EIF4E: variants seen among roughly 807,000 people sequenced by gnomAD.
The protein encoded by EIF4E is eIF-4F 25 kDa subunit.
For synonymous variants in EIF4E, 71 were observed against 88.5 expected (o/e 0.80, Z 1.11); for missense variants, 113 against 265.6 (o/e 0.43, Z 3.99).
chr4:98,903,435 T>G (rs75215124), intron 1 of EIF4E: 1 of 455,280 alleles, frequency 2.2e-6, no homozygotes, highest in Admixed American at 2.4e-5. Flanking sequence ...TCAATCTCCC[T>G]GGCTCAAGCA....
At chr4:98,917,416 T>C (rs929613130) in intron 1 of EIF4E, among the ~76,000 whole-genome samples, 1 of 152,040 alleles carries the variant, frequency 6.6e-6, no homozygotes, top group African/African-American at 2.4e-5. Flanking sequence ...ATGTCCATGA[T>C]CATGCCCACT....
At chr4:98,929,060 G>A in intron 1 of EIF4E, 35 bp downstream of exon 1, 2 of 1,577,110 alleles carry the variant, frequency 1.3e-6, no homozygotes, top group South Asian at 1.2e-5. Context: ...GGAGCGCGGG[G>A]ACCCGTGGGG....
chr4:98,914,393 T>A lies in EIF4E; in HGVS notation c.19-12411A>T, dbSNP rs750564228. On this transcript the variant is annotated intron_variant, in intron 1 of 6. Transcript: ENST00000450253. ...AAAAAAAAAAAAAAAAAAAAAGCAC[T>A]TTTTTTTTTTGCTTTTGACCTATTT... Among the ~76,000 whole-genome samples the A allele has an allele frequency of 3.7e-3, 373 of 101,152 alleles. 1 individual carries two copies. The highest frequency in any genetic ancestry group is 6.1e-3 in the Non-Finnish European group (309 of 50,928). The allele number at this position is 101,152 out of a possible 152,430, so 66.4% of individuals were successfully genotyped here.
chr4:98,897,768 A>T (rs1724471861), intron 2 of EIF4E, among the ~76,000 whole-genome samples: 2 of 152,220 alleles, frequency 1.3e-5, no homozygotes, highest in South Asian at 4.1e-4. Flanking sequence ...AGAATTTTAG[A>T]AAGATTTCAT....
At chr4:98,907,641 A>T (rs557888225) in intron 1 of EIF4E, among the ~76,000 whole-genome samples, 1 of 152,336 alleles carries the variant, frequency 6.6e-6, no homozygotes, top group South Asian at 2.1e-4. Flanking sequence ...GCCATACTGC[A>T]AAATGGGTAG....
rs552638398 is a variant in EIF4E at position 98,887,462 on chromosome 4, T to C, written c.286-270A>G. Among the ~76,000 whole-genome samples, 1 of 152,312 alleles carries C rather than the reference T, an allele frequency of 6.6e-6. No homozygotes were observed. The highest frequency in any genetic ancestry group is 1.5e-5 in the Non-Finnish European group (1 of 68,032). On this transcript the variant is annotated intron_variant, in intron 4 of 6. Coordinates refer to ENST00000450253, the MANE Select transcript of EIF4E (RefSeq NM_001968.5). The surrounding 1 kb of genome is among the most constrained non-coding windows in gnomAD (Gnocchi z 4.0). Reference sequence around the variant, plus strand: ...TTAAACTTTCTGAGAAGCAAACATATTTTAGAAGCTCTGTACATTTCTACA... The same window carrying C: ...TTAAACTTTCTGAGAAGCAAACATACTTTAGAAGCTCTGTACATTTCTACA...
At chr4:98,884,289 A>G (rs2110176063) in intron 6 of EIF4E, among the ~76,000 whole-genome samples, 1 of 152,320 alleles carries the variant, frequency 6.6e-6, no homozygotes, top group Middle Eastern at 3.4e-3. Context: ...CAGCACTTTC[A>G]AAGTAGGAAA....
intron 1 of EIF4E, among the ~76,000 whole-genome samples, chr4:98,924,964 C>T (rs10516438): frequency 0.05 from 7,559 of 152,162 alleles, 850 homozygotes; most frequent in East Asian, 0.49. Flanking sequence ...CGTGGATTAT[C>T]GAGGAACTCT....
intron 2 of EIF4E, among the ~76,000 whole-genome samples, chr4:98,900,944 T>C (rs1724616404): frequency 6.6e-6 from 1 of 152,264 alleles, no homozygotes. Flanking sequence ...TCAAGTCACC[T>C]GTTCTTACTC....
At chr4:98,915,110 GT>G (rs1280352530) in intron 1 of EIF4E, among the ~76,000 whole-genome samples, 1 of 151,960 alleles carries the variant, frequency 6.6e-6, no homozygotes, top group African/African-American at 2.4e-5. Context: ...CACCCAGCTA[GT>G]TTTTTGTATT....
intron 2 of EIF4E, among the ~76,000 whole-genome samples, chr4:98,900,816 T>C (rs937295009): frequency 2.0e-5 from 3 of 152,188 alleles, no homozygotes; most frequent in African/African-American, 7.2e-5. Flanking sequence ...TGTTACACTA[T>C]TAACTATGAA....
chr4:98,928,712 C>G (rs1353893071), intron 1 of EIF4E, among the ~76,000 whole-genome samples: 1 of 152,158 alleles, frequency 6.6e-6, no homozygotes, highest in East Asian at 1.9e-4. Flanking sequence ...CGCCGCCCAC[C>G]CTGCCTGCGG....
intron 1 of EIF4E, among the ~76,000 whole-genome samples, chr4:98,913,437 G>A (rs1234437238): frequency 1.3e-5 from 2 of 151,894 alleles, no homozygotes; most frequent in South Asian, 2.1e-4. Flanking sequence ...CTCAAGAGAC[G>A]ATACTGAATA....
At chr4:98,920,177 C>T (rs551348206) in intron 1 of EIF4E, among the ~76,000 whole-genome samples, 1 of 152,342 alleles carries the variant, frequency 6.6e-6, no homozygotes, top group African/African-American at 2.4e-5. Context: ...TTAGACAGAA[C>T]TTAGCCTGTG....
chr4:98,891,539 T>C, intron 2 of EIF4E: 1 of 583,444 alleles, frequency 1.7e-6, no homozygotes, highest in Middle Eastern at 4.6e-4. Flanking sequence ...GCTAAGGACA[T>C]TAAGTGAATA....
chr4:98,915,147 C>T (rs534159486), intron 1 of EIF4E, among the ~76,000 whole-genome samples: 3 of 152,214 alleles, frequency 2.0e-5, no homozygotes, highest in Admixed American at 1.3e-4. Flanking sequence ...GACAGGGTTT[C>T]ATCATGTTGC....
intron 1 of EIF4E, among the ~76,000 whole-genome samples, chr4:98,920,410 C>CT (rs1421469654): frequency 3.3e-5 from 5 of 151,982 alleles, no homozygotes; most frequent in Admixed American, 3.3e-4. Context: ...AAGCAATTCT[C>CT]TTGCCTCAGC....
chr4:98,895,698 A>T (rs1430655003), intron 2 of EIF4E: 1 of 152,258 alleles, frequency 6.6e-6, no homozygotes, highest in Non-Finnish European at 1.5e-5. Flanking sequence ...CTGGATTTTT[A>T]AAAATAATTC....
chr4:98,925,897 G>A (rs899565250), intron 1 of EIF4E: 1 of 151,134 alleles, frequency 6.6e-6, no homozygotes. Context: ...GAGGCTCGGT[G>A]GCTCACGCCT....
Sources: allele counts gnomAD v4.1 joint callset (sites outside exome capture counted in the v4.1 genomes callset), GRCh38; gene constraint gnomAD v4.1.1; non-coding constraint Gnocchi (gnomAD v3.1); transcripts MANE v1.5; gene names NCBI Gene and HGNC (gene_info 2026-07-23, HGNC 2026-07-21).